Variants in GSAP observed in about 807,000 individuals in gnomAD.
GSAP encodes the protein gamma-secretase activating protein.
Under a neutral mutation model 131.7 loss-of-function variants are expected in GSAP, and 118 were observed. The observed-to-expected ratio is 0.90, with a 90% CI of 0.77 to 1.04. The LOEUF is 1.04. GSAP is among the 50% of genes least tolerant of loss of function. GSAP has a pLI of 0.00. For missense variants in GSAP, 1,019 were observed against 1,013.2 expected (o/e 1.01, Z -0.08); for synonymous variants, 381 against 363.4 (o/e 1.05, Z -0.55).
chr7:77,387,430 A>C lies in GSAP; in HGVS notation c.386T>G (p.Leu129Trp), dbSNP rs189294375. The C allele has an allele frequency of 1.3e-6, 2 of 1,590,170 alleles. No individual in the cohort carries two copies. The highest frequency in any genetic ancestry group is 4.5e-5 in the East Asian group (2 of 44,760). ...ELQPGSKCLTLLVEIHPVNNV... is the reference protein window; with the variant it reads ...ELQPGSKCLTWLVEIHPVNNV... Reference sequence around the variant, plus strand: ...GTTAACAGGGTGGATTTCAACCAACAAAGTCAAGCACTTTGATCCTACAGA... The same window carrying C: ...GTTAACAGGGTGGATTTCAACCAACCAAGTCAAGCACTTTGATCCTACAGA... The change falls in exon 6 of 31, where the codon TTG becomes TGG. Residue 129 changes from leucine to tryptophan, a missense_variant. Physicochemically the swap from Leu to Trp is moderately conservative, Grantham distance 61. Transcript: ENST00000257626.
At chr7:77,367,675 T>C (rs1795519422) in intron 12 of GSAP, among the ~76,000 whole-genome samples, 1 of 152,168 alleles carries the variant, frequency 6.6e-6, no homozygotes, top group Non-Finnish European at 1.5e-5. Flanking sequence ...TGTTCTTATG[T>C]CTCTGACAGG....
In GSAP at chr7:77,311,292, C is replaced by A. The variant is rs904380745; in HGVS notation, c.*66G>T. The A allele has an allele frequency of 1.3e-5, 12 of 917,744 alleles. No homozygotes were observed. The highest frequency in any genetic ancestry group is 2.0e-5 in the Non-Finnish European group (11 of 560,512). 56.9% of individuals were successfully genotyped at this position (917,744 alleles called of 1,614,324 possible). Reference sequence around the variant, plus strand: ...CAATTTTAAATATTGTTAAAGAATTCTCAAAGGAGTAAGGTTAATGAGCAA... The same window carrying A: ...CAATTTTAAATATTGTTAAAGAATTATCAAAGGAGTAAGGTTAATGAGCAA... On this transcript the variant is annotated 3_prime_UTR_variant, in exon 31 of 31. Transcript: ENST00000257626.
intron 8 of GSAP, among the ~76,000 whole-genome samples, chr7:77,378,800 A>C (rs1353529624): frequency 1.3e-5 from 2 of 152,218 alleles, no homozygotes; most frequent in African/African-American, 2.4e-5. Flanking sequence ...AGCAGTTAAG[A>C]ATTAACTTTC....
intron 14 of GSAP, 139 bp from the exon 15 acceptor site, chr7:77,355,786 C>CTTTTTTTTTTTT: frequency 9.8e-6 from 3 of 305,318 alleles, no homozygotes; most frequent in Non-Finnish European, 1.6e-5. Flanking sequence ...AATGACAGCC[C>CTTTTTTTTTTTT]GTTTTTTTTT....
At position 77,311,036 on chromosome 7, in the gene GSAP, T is replaced by TA. The variant is rs1304512526; in HGVS notation, c.*321dup. 9.8e-6 allele frequency: 2 copies of TA among 203,426 alleles called. No individual in the cohort carries two copies. Among genetic ancestry groups the TA allele is most frequent in the East Asian group, 1.1e-4 (1 of 8,924 alleles). 12.6% of individuals were successfully genotyped at this position (203,426 alleles called of 1,614,324 possible). On this transcript the variant is annotated 3_prime_UTR_variant, in exon 31 of 31. Transcript: ENST00000257626. The stretch of plus-strand genomic sequence containing the variant: ...TTCTAAGCACTGTTCCCTACATTTT[T>TA]AAAGCATATTTTATTTCAGAGTGCA...
intron 5 of GSAP, among the ~76,000 whole-genome samples, chr7:77,390,499 A>G (rs2151090614): frequency 6.6e-6 from 1 of 152,284 alleles, no homozygotes; most frequent in East Asian, 1.9e-4. Flanking sequence ...AGCTTTCTAC[A>G]TATGGCCAGC....
chr7:77,347,789 G>A (rs1104819), intron 19 of GSAP, among the ~76,000 whole-genome samples: 1 of 152,032 alleles, frequency 6.6e-6, no homozygotes. Flanking sequence ...GAGACAGTTG[G>A]TACATTAGGA....
chr7:77,353,397 C>T (rs1793183625), intron 17 of GSAP, among the ~76,000 whole-genome samples, 175 bp downstream of exon 17: 2 of 151,142 alleles, frequency 1.3e-5, no homozygotes, highest in Non-Finnish European at 2.9e-5. Context: ...TCTTAGAAAA[C>T]CACAAGAGAA....
chr7:77,391,086 C>T (rs1357394596), intron 5 of GSAP, among the ~76,000 whole-genome samples: 1 of 126,426 alleles, frequency 7.9e-6, no homozygotes, highest in Non-Finnish European at 1.6e-5. Flanking sequence ...GAGATCACAC[C>T]ACTGCACTCC....
At chr7:77,388,998 G>T (rs1215050694) in intron 5 of GSAP, among the ~76,000 whole-genome samples, 2 of 152,140 alleles carry the variant, frequency 1.3e-5, no homozygotes, top group Non-Finnish European at 2.9e-5. Flanking sequence ...CCAAGGGTAT[G>T]GATGAGTTAC....
At chr7:77,359,531 G>GT (rs1271879604) in intron 14 of GSAP, among the ~76,000 whole-genome samples, 1 of 151,988 alleles carries the variant, frequency 6.6e-6, no homozygotes, top group Admixed American at 6.5e-5. Context: ...GAAATTGCAC[G>GT]TAATAGCAAA....
chr7:77,374,988 G>A (rs950735514), intron 11 of GSAP, 70 bp downstream of exon 11: 2 of 745,222 alleles, frequency 2.7e-6, no homozygotes, highest in Admixed American at 2.4e-5. Context: ...ATAATATAAT[G>A]TACGAATAAA....
chr7:77,380,421 T>C (rs1797620958), intron 8 of GSAP, among the ~76,000 whole-genome samples: 1 of 152,174 alleles, frequency 6.6e-6, no homozygotes, highest in Non-Finnish European at 1.5e-5. Flanking sequence ...AAGAAATACA[T>C]GTACCAATAC....
chr7:77,360,995 A>T (rs1794454067), intron 13 of GSAP, 94 bp from the exon 14 acceptor site: 5 of 729,414 alleles, frequency 6.9e-6, no homozygotes, highest in Non-Finnish European at 1.2e-5. Context: ...ATTTTCAGTG[A>T]CCATGAAACT....
intron 19 of GSAP, among the ~76,000 whole-genome samples, chr7:77,346,124 T>C (rs1213802257): frequency 1.3e-5 from 2 of 150,868 alleles, no homozygotes; most frequent in East Asian, 2.0e-4. Flanking sequence ...ACAAAAATTA[T>C]CCGGGCATAG....
intron 26 of GSAP, among the ~76,000 whole-genome samples, chr7:77,317,655 G>C (rs77111682): frequency 0.081 from 12,359 of 152,256 alleles, 718 homozygotes; most frequent in Non-Finnish European, 0.11. Flanking sequence ...AGGAATGTGA[G>C]TTGGGTAGAA....
chr7:77,353,148 CA>C, intron 17 of GSAP, 122 bp from the exon 18 acceptor site: 1 of 637,720 alleles, frequency 1.6e-6, no homozygotes, highest in African/African-American at 1.8e-5. Context: ...CCCTCATCCT[CA>C]AAACGGTAAC....
At chr7:77,409,667 A>G (rs1802922225) in intron 1 of GSAP, among the ~76,000 whole-genome samples, 2 of 152,242 alleles carry the variant, frequency 1.3e-5, no homozygotes. Flanking sequence ...CAATATTTTG[A>G]GAAGTATTTT....
intron 19 of GSAP, 159 bp from the exon 20 acceptor site, chr7:77,330,526 C>A: frequency 2.0e-5 from 23 of 1,146,080 alleles, no homozygotes; most frequent in African/African-American, 3.3e-5. Flanking sequence ...AATAGGGATT[C>A]TAAAATAGAC....
Sources: allele counts gnomAD v4.1 joint callset (sites outside exome capture counted in the v4.1 genomes callset), GRCh38; gene constraint gnomAD v4.1.1; transcripts MANE v1.5; gene names NCBI Gene and HGNC (gene_info 2026-07-23, HGNC 2026-07-21).